Variants in TULP4 observed in about 807,000 individuals in gnomAD.
TULP4 encodes TUB like protein 4, also known as tubby-related protein 4.
TULP4 carries 16 observed loss-of-function variants against 129.0 expected under a neutral mutation model. That is an observed-to-expected ratio of 0.12 (90% CI 0.08 to 0.19). The LOEUF is 0.19. TULP4 is among the 10% of genes least tolerant of loss of function. The pLI is 1.00. For missense variants in TULP4, 1,842 were observed against 2,059.1 expected (o/e 0.89, Z 2.04); for synonymous variants, 998 against 854.0 (o/e 1.17, Z -2.94).
rs869146924 is a variant in TULP4 at position 158,453,485 on chromosome 6, C to CAAAAAAAAAAAAAAAA, written c.859+1226_859+1241dup. ...GGTGACAGAGCGAGACTCTGTCTCA[C>CAAAAAAAAAAAAAAAA]AAAAAAAAAAAAAAAAAAAAAAAAG... On this transcript the variant is annotated intron_variant, in intron 5 of 13. Transcript: ENST00000367097. Among the ~76,000 whole-genome samples the CAAAAAAAAAAAAAAAA allele has an allele frequency of 5.6e-4, 10 of 17,982 alleles. 1 individual carries two copies. The highest frequency in any genetic ancestry group is 4.0e-3 in the South Asian group (1 of 252). The allele number at this position is 17,982 out of a possible 152,430, so 11.8% of individuals were successfully genotyped here.
chr6:158,444,010 G>A (rs902961938), intron 3 of TULP4, among the ~76,000 whole-genome samples: 8 of 151,896 alleles, frequency 5.3e-5, no homozygotes, highest in Non-Finnish European at 1.5e-5. Context: ...ACAAGGTCAG[G>A]AGATTGAGAC....
At chr6:158,337,080 CTTTCT>C in intron 1 of TULP4, among the ~76,000 whole-genome samples, 1 of 3,966 alleles carries the variant, frequency 2.5e-4, no homozygotes, top group Admixed American at 4.2e-3. Flanking sequence ...TCTTTTCTTT[CTTTCT>C]GTCTCTCTCT....
At chr6:158,288,562 G>A (rs551918863) in intron 1 of TULP4, among the ~76,000 whole-genome samples, 16 of 151,664 alleles carry the variant, frequency 1.1e-4, no homozygotes, top group African/African-American at 3.9e-4. Flanking sequence ...GTGCAGTGGC[G>A]TGATCTCGGC....
intron 3 of TULP4, among the ~76,000 whole-genome samples, chr6:158,438,555 A>G (rs1337057987): frequency 1.4e-5 from 2 of 147,864 alleles, no homozygotes; most frequent in East Asian, 3.9e-4. Context: ...TTTCTCAGCT[A>G]AAAACACCAC....
chr6:158,275,268 T>G (rs6927137), intron 1 of TULP4, among the ~76,000 whole-genome samples: 60,042 of 152,016 alleles, frequency 0.39, 12,239 homozygotes, highest in Admixed American at 0.48. Context: ...TCTTCTTCAT[T>G]TGCCACGGTG....
chr6:158,255,779 G>A (rs1778230762), intron 1 of TULP4, among the ~76,000 whole-genome samples: 1 of 152,200 alleles, frequency 6.6e-6, no homozygotes, highest in African/African-American at 2.4e-5. Context: ...ACCAATTTAA[G>A]TTAGGGTTAT....
At chr6:158,436,378 A>G (rs1457428782) in intron 3 of TULP4, among the ~76,000 whole-genome samples, 1 of 152,246 alleles carries the variant, frequency 6.6e-6, no homozygotes, top group Admixed American at 6.5e-5. Flanking sequence ...ACCAGAATGT[A>G]TCACTTGAAG....
intron 7 of TULP4, among the ~76,000 whole-genome samples, chr6:158,480,324 C>T (rs1458160597): frequency 3.3e-5 from 5 of 152,218 alleles, no homozygotes; most frequent in Admixed American, 6.5e-5. Flanking sequence ...TCCTGACTTC[C>T]TGACAGATGC....
rs1554280513 is a variant in TULP4, at chr6:158,328,136, G to GTGTGTGTGT, written c.252+13868_252+13869insTGTGTGTGT. On this transcript the variant is annotated intron_variant, in intron 1 of 13. Coordinates refer to ENST00000367097, the MANE Select transcript of TULP4 (RefSeq NM_020245.5). The stretch of plus-strand genomic sequence containing the variant: ...TGTGTGTGTGTGTGTGTGCGTGCGT[G>GTGTGTGTGT]CTGGGAAAGAGGTAGACCTAGTTAT... Among the ~76,000 whole-genome samples, 21 of 109,258 alleles carry GTGTGTGTGT rather than the reference G, an allele frequency of 1.9e-4. 3 individuals are homozygous for GTGTGTGTGT. Among genetic ancestry groups the GTGTGTGTGT allele is most frequent in the East Asian group, 1.9e-3 (7 of 3,722 alleles). The allele number at this position is 109,258 out of a possible 152,430, so 71.7% of individuals were successfully genotyped here. A position where few individuals can be genotyped will look rare whatever the true frequency, so the allele number is the denominator to read the frequency against.
chr6:158,279,471 T>A (rs141899517), upstream of TULP4, among the ~76,000 whole-genome samples: 192 of 152,350 alleles, frequency 1.3e-3, no homozygotes, highest in African/African-American at 4.5e-3. Flanking sequence ...AAGACGGTAA[T>A]ATTCTGTTTG....
Position 158,506,778 on chromosome 6 carries a change from G to A in TULP4, c.*84G>A, listed in dbSNP as rs1394245633. 5.3e-6 allele frequency: 5 copies of A among 943,412 alleles called. No homozygotes were observed. The highest frequency in any genetic ancestry group is 1.9e-5 in the Admixed American group (1 of 51,684). The allele number at this position is 943,412 out of a possible 1,614,324, so 58.4% of individuals were successfully genotyped here. On this transcript the variant is annotated 3_prime_UTR_variant, in exon 14 of 14. Coordinates refer to ENST00000367097, the MANE Select transcript of TULP4 (RefSeq NM_020245.5). The stretch of plus-strand genomic sequence containing the variant: ...TGCCAGAGGAGCCCTCTAGGGGTCC[G>A]ATGCCTGGGAGGACCAGAAGCCAAC...
upstream of TULP4, among the ~76,000 whole-genome samples, chr6:158,278,207 T>C (rs188967641): frequency 1.3e-5 from 2 of 152,334 alleles, no homozygotes; most frequent in Admixed American, 1.3e-4. Flanking sequence ...GTGTAAGGTC[T>C]GTGTTTTCAC....
chr6:158,394,189 A>G (rs553209678), intron 1 of TULP4, among the ~76,000 whole-genome samples: 30 of 152,344 alleles, frequency 2.0e-4, no homozygotes, highest in African/African-American at 7.0e-4. Flanking sequence ...TTGCTAAAGC[A>G]TAGCAAGAGT....
At chr6:158,389,276 C>A (rs1474449445) in intron 1 of TULP4, among the ~76,000 whole-genome samples, 1 of 152,122 alleles carries the variant, frequency 6.6e-6, no homozygotes, top group Non-Finnish European at 1.5e-5. Flanking sequence ...ATGGGTGAAA[C>A]CCCTTCTCTA....
chr6:158,412,684 A>G (rs1027671001), intron 1 of TULP4, among the ~76,000 whole-genome samples: 8 of 152,242 alleles, frequency 5.3e-5, no homozygotes, highest in East Asian at 1.9e-4. Context: ...TCCTCTTTCC[A>G]TACTAAATAA....
intron 1 of TULP4, among the ~76,000 whole-genome samples, chr6:158,367,699 G>A (rs190085034): frequency 3.9e-5 from 6 of 152,200 alleles, no homozygotes; most frequent in Non-Finnish European, 5.9e-5. Flanking sequence ...ATTTGATTCC[G>A]TCAGGTGGTT....
rs147584372 is a variant in TULP4 at position 158,461,723 on chromosome 6, C to G, written c.1020C>G (p.Leu340=). The part of the protein sequence containing the change: ...RGEHIFTLDT[L]VQRPIISICW... ...AGCACATCTTCACACTGGACACTCTCGTGCAGGTAAGGATGTTCTCTGGAA... is the reference window on the plus strand; with the variant it reads ...AGCACATCTTCACACTGGACACTCTGGTGCAGGTAAGGATGTTCTCTGGAA... Residue 340 remains leucine, a synonymous_variant, in exon 6 of 14, where the codon CTC becomes CTG. Transcript: ENST00000367097. 1.4e-5 allele frequency: 22 copies of G among 1,613,766 alleles called. No individual in the cohort carries two copies. Among genetic ancestry groups the G allele is most frequent in the Non-Finnish European group, 1.9e-5 (22 of 1,179,912 alleles).
chr6:158,418,880 T>C (rs1341554425), intron 2 of TULP4, among the ~76,000 whole-genome samples: 1 of 152,268 alleles, frequency 6.6e-6, no homozygotes, highest in African/African-American at 2.4e-5. Context: ...ACTGGCTATG[T>C]GTTTTGGCTA....
At chr6:158,425,014 C>T (rs1411838871) in intron 2 of TULP4, among the ~76,000 whole-genome samples, 4 of 151,054 alleles carry the variant, frequency 2.6e-5, no homozygotes, top group African/African-American at 7.3e-5. Context: ...ATTAGCCGGG[C>T]GTGGTGGTGG....
Sources: allele counts gnomAD v4.1 joint callset (sites outside exome capture counted in the v4.1 genomes callset), GRCh38; gene constraint gnomAD v4.1.1; transcripts MANE v1.5; gene names NCBI Gene and HGNC (gene_info 2026-07-23, HGNC 2026-07-21).